AGPAT3: variants seen among roughly 807,000 people sequenced by gnomAD.
AGPAT3 encodes the protein 1-acylglycerol-3-phosphate O-acyltransferase 3.
Under a neutral mutation model 47.3 loss-of-function variants are expected in AGPAT3, and 5 were observed. The ratio of observed to expected loss-of-function variants is 0.11; its 90% CI spans 0.06 to 0.22. The LOEUF (loss-of-function observed/expected upper bound fraction) is 0.22. Among genes scored for constraint, AGPAT3 ranks in the 10% least tolerant of loss-of-function variants. The pLI is 1.00. For synonymous variants in AGPAT3, 212 were observed against 208.3 expected, an observed-to-expected ratio of 1.02 and a Z score of -0.15; for missense variants, 315 against 493.0, an observed-to-expected ratio of 0.64 and a Z score of 3.42.
chr21:43,961,877 G>T (rs947605582), intron 3 of AGPAT3, among the ~76,000 whole-genome samples: 35 of 152,292 alleles, frequency 2.3e-4, no homozygotes, highest in African/African-American at 8.2e-4. Flanking sequence ...TGCTGAAAAG[G>T]CTGTTTATGT....
chr21:43,926,953 T>C (rs935490600), intron 2 of AGPAT3, among the ~76,000 whole-genome samples: 1 of 133,050 alleles, frequency 7.5e-6, no homozygotes, highest in Non-Finnish European at 1.5e-5. Flanking sequence ...CACTCCAGTC[T>C]AGGCGACAGA....
Position 43,981,034 on chromosome 21 carries a change from G to A in AGPAT3, c.889G>A (p.Glu297Lys), listed in dbSNP as rs2089831091. The part of the protein sequence containing the change: ...IYNQKGMFPG[E>K]QFKPARRPWT... Reference sequence around the variant, plus strand: ...TAATCAGAAGGGCATGTTTCCAGGGGAGCAGTTTAAGCCTGCCCGGAGGCC... The same window carrying A: ...TAATCAGAAGGGCATGTTTCCAGGGAAGCAGTTTAAGCCTGCCCGGAGGCC... The change falls in exon 9 of 10, where the codon GAG (glutamate) becomes AAG (lysine). Residue 297 changes from glutamate (E) to lysine (K), a missense_variant. Transcript: ENST00000291572. The surrounding 1 kb of genome is among the most constrained non-coding windows in gnomAD (Gnocchi z 5.3). 6.2e-7 allele frequency: 1 copy of A among 1,614,186 alleles called. No homozygotes were observed. Among genetic ancestry groups the A allele is most frequent in the East Asian group, 2.2e-5 (1 of 44,882 alleles).
rs2030005428 is a variant in AGPAT3, at chr21:43,984,152, A to G, written c.*1760A>G. ...GATGAGACCAACGACACCATGCGAGACACGCTTGCAGACACTGTTGTTTTG... is the reference window on the plus strand; with the variant it reads ...GATGAGACCAACGACACCATGCGAGGCACGCTTGCAGACACTGTTGTTTTG... On this transcript the variant is annotated 3_prime_UTR_variant, in exon 10 of 10. Coordinates refer to ENST00000291572, the MANE Select transcript of AGPAT3 (RefSeq NM_020132.5). 1 of 152,310 alleles carries G rather than the reference A, an allele frequency of 6.6e-6. No homozygotes were observed. The highest frequency in any genetic ancestry group is 1.5e-5 in the Non-Finnish European group (1 of 68,098). 9.4% of individuals were successfully genotyped at this position (152,310 alleles called of 1,614,324 possible). A position where few individuals can be genotyped will look rare whatever the true frequency, so the allele number is the denominator to read the frequency against.
intron 7 of AGPAT3, 117 bp from the exon 8 acceptor site, chr21:43,977,929 G>T: frequency 3.0e-6 from 2 of 663,490 alleles, no homozygotes; most frequent in South Asian, 3.8e-5. Context: ...AGTGAGATGT[G>T]ACAGAAGGAG....
At chr21:43,935,534 C>G (rs1044454556) in intron 2 of AGPAT3, among the ~76,000 whole-genome samples, 2 of 152,186 alleles carry the variant, frequency 1.3e-5, no homozygotes, top group South Asian at 4.1e-4. Context: ...TGCAGGGCGG[C>G]CTCTGCACGC....
At chr21:43,945,383 C>A (rs1448790065) in intron 2 of AGPAT3, among the ~76,000 whole-genome samples, 1 of 152,232 alleles carries the variant, frequency 6.6e-6, no homozygotes, top group African/African-American at 2.4e-5. Context: ...CATTTTCATT[C>A]ACATTACACA....
At chr21:43,946,606 A>G (rs145501864) in intron 2 of AGPAT3, among the ~76,000 whole-genome samples, 33 of 152,332 alleles carry the variant, frequency 2.2e-4, no homozygotes, top group African/African-American at 7.2e-4. Flanking sequence ...TCTTAAAAAA[A>G]AAAAAAAAAG....
rs1171784631 is a variant in AGPAT3, at chr21:43,918,141, T to TGTG, written c.-49+14123_-49+14124insTGG. Among the ~76,000 whole-genome samples the TGTG allele has an allele frequency of 3.4e-4, 45 of 132,676 alleles. No individual in the cohort carries two copies. The Middle Eastern group carries it at 0.014, about 41-fold the overall frequency. 87.0% of individuals were successfully genotyped at this position (132,676 alleles called of 152,430 possible). ...TGGGTGTTGTGGGGGTTGTGGGTGT[T>TGTG]GGAGTTGTGGGTGTTGTGGGAGTTG... On this transcript the variant is annotated intron_variant, in intron 2 of 9. Transcript: ENST00000291572.
intron 2 of AGPAT3, among the ~76,000 whole-genome samples, chr21:43,923,239 C>G (rs1043499476): frequency 6.7e-6 from 1 of 149,332 alleles, no homozygotes; most frequent in Non-Finnish European, 1.5e-5. Flanking sequence ...TGGGGGGAGT[C>G]GCTGTCTGGG....
intron 8 of AGPAT3, among the ~76,000 whole-genome samples, chr21:43,979,932 GA>G (rs1315335569): frequency 6.6e-6 from 1 of 152,038 alleles, no homozygotes; most frequent in Non-Finnish European, 1.5e-5. Context: ...AGATCAACTA[GA>G]AAAAATATCT....
intron 1 of AGPAT3, among the ~76,000 whole-genome samples, chr21:43,873,410 T>C (rs1293283541): frequency 1.3e-5 from 2 of 152,186 alleles, no homozygotes; most frequent in Non-Finnish European, 2.9e-5. Flanking sequence ...CCATGTGCCC[T>C]GAGGACTCCG....
intron 1 of AGPAT3, among the ~76,000 whole-genome samples, chr21:43,901,104 C>A (rs2086339159): frequency 6.6e-6 from 1 of 151,906 alleles, no homozygotes; most frequent in East Asian, 1.9e-4. Flanking sequence ...GAGTTCAAGA[C>A]CCTCTGGGGC....
At chr21:43,957,292 A>G (rs1245037688) in intron 2 of AGPAT3, among the ~76,000 whole-genome samples, 2 of 152,260 alleles carry the variant, frequency 1.3e-5, no homozygotes, top group African/African-American at 4.8e-5. Context: ...CTCTGGGTGC[A>G]AGAATGGCCA....
In AGPAT3 at chr21:43,908,086, G is replaced by C. The variant is rs974602179; in HGVS notation, c.-49+4067G>C. ...GGACGCTTTCTCTTTCCGTGTGCTG[G>C]AAGACCTGAATGCTTCAGAGCCTAA... On this transcript the variant is annotated intron_variant, in intron 2 of 9. Transcript: ENST00000291572. This position sits in a 1 kb window ranked among gnomAD's most constrained non-coding sequence, Gnocchi z 4.9. Among the ~76,000 whole-genome samples the C allele has an allele frequency of 5.9e-5, 9 of 152,352 alleles. No individual in the cohort carries two copies. The highest frequency in any genetic ancestry group is 1.9e-4 in the African/African-American group (8 of 41,580).
intron 2 of AGPAT3, among the ~76,000 whole-genome samples, chr21:43,938,081 C>T (rs1239391914): frequency 8.6e-6 from 1 of 116,942 alleles, no homozygotes; most frequent in Non-Finnish European, 1.8e-5. Flanking sequence ...CTCTCTCCCC[C>T]ACTTTCTCTC....
intron 1 of AGPAT3, among the ~76,000 whole-genome samples, chr21:43,889,959 C>G (rs201590004): frequency 2.0e-5 from 3 of 151,898 alleles, no homozygotes; most frequent in East Asian, 3.9e-4. Flanking sequence ...TCCCTAAAAT[C>G]TGACATTTTG....
At chr21:43,928,089 A>G (rs1022546677) in intron 2 of AGPAT3, among the ~76,000 whole-genome samples, 3 of 152,188 alleles carry the variant, frequency 2.0e-5, no homozygotes, top group Admixed American at 6.5e-5. Context: ...AGCCGGACGC[A>G]GCTCCCGGAC....
At chr21:43,906,908 G>A (rs371640546) in intron 2 of AGPAT3, among the ~76,000 whole-genome samples, 1 of 152,222 alleles carries the variant, frequency 6.6e-6, no homozygotes, top group South Asian at 2.1e-4. Flanking sequence ...CAAGGCCCTC[G>A]TAAGTGCAGC....
chr21:43,951,425 C>T (rs904555698), intron 2 of AGPAT3, among the ~76,000 whole-genome samples: 1 of 152,248 alleles, frequency 6.6e-6, no homozygotes, highest in African/African-American at 2.4e-5. Flanking sequence ...CTGCTGAGAG[C>T]TAGCCTTGCT....
Sources: allele counts gnomAD v4.1 joint callset (sites outside exome capture counted in the v4.1 genomes callset), GRCh38; gene constraint gnomAD v4.1.1; non-coding constraint Gnocchi (gnomAD v3.1); transcripts MANE v1.5; gene names NCBI Gene and HGNC (gene_info 2026-07-23, HGNC 2026-07-21).